Variants in ARHGEF10L observed in about 807,000 individuals in gnomAD.
The protein encoded by ARHGEF10L is rho guanine nucleotide exchange factor 10-like protein.
Under a neutral mutation model 141.2 loss-of-function variants are expected in ARHGEF10L, and 69 were observed. That is an observed-to-expected ratio of 0.49 (90% CI 0.40 to 0.60). The LOEUF is 0.60. Ranked by LOEUF, ARHGEF10L falls within the 20% of genes least tolerant of loss-of-function variation. The pLI is 0.00. For synonymous variants in ARHGEF10L, 711 were observed against 718.5 expected, an observed-to-expected ratio of 0.99 and a Z score of 0.17; for missense variants, 1,482 against 1,734.3, an observed-to-expected ratio of 0.85 and a Z score of 2.58.
intron 26 of ARHGEF10L, among the ~76,000 whole-genome samples, chr1:17,668,096 A>G (rs1271592753): frequency 6.6e-6 from 1 of 152,250 alleles, no homozygotes; most frequent in Non-Finnish European, 1.5e-5. Context: ...CAAACCGAGA[A>G]CATTCAAGCG....
chr1:17,638,120 A>G (rs537475422), intron 19 of ARHGEF10L, 117 bp downstream of exon 19: 1 of 903,602 alleles, frequency 1.1e-6, no homozygotes, highest in Non-Finnish European at 1.6e-6. Context: ...ATGTGCTCCT[A>G]GCTTCTGAGC....
At chr1:17,566,791 G>A (rs1027062530) in intron 1 of ARHGEF10L, among the ~76,000 whole-genome samples, 6 of 152,200 alleles carry the variant, frequency 3.9e-5, no homozygotes, top group Non-Finnish European at 7.3e-5. Flanking sequence ...AGGGGACCAA[G>A]TGCTCATCAG....
intron 9 of ARHGEF10L, 83 bp downstream of exon 9, chr1:17,616,285 G>C: frequency 8.2e-7 from 1 of 1,219,924 alleles, no homozygotes; most frequent in East Asian, 2.4e-5. Flanking sequence ...TTACACCCCA[G>C]AGGTCATGCT....
intron 1 of ARHGEF10L, among the ~76,000 whole-genome samples, chr1:17,579,014 C>T (rs900824995): frequency 1.3e-5 from 2 of 151,926 alleles, no homozygotes; most frequent in African/African-American, 4.8e-5. Context: ...GGGAGGTTGA[C>T]TAACTTTTTT....
intron 26 of ARHGEF10L, among the ~76,000 whole-genome samples, chr1:17,675,324 G>A (rs1030790590): frequency 3.3e-5 from 5 of 152,188 alleles, no homozygotes; most frequent in Non-Finnish European, 7.4e-5. Context: ...CCACCTCCCC[G>A]CACTGTCACC....
chr1:17,578,239 G>T (rs946068085), intron 1 of ARHGEF10L, among the ~76,000 whole-genome samples: 5 of 152,200 alleles, frequency 3.3e-5, no homozygotes, highest in Non-Finnish European at 7.3e-5. Context: ...GAGCCCACTG[G>T]GAGGGGGCCC....
intron 20 of ARHGEF10L, 69 bp from the exon 21 acceptor site, chr1:17,640,133 C>T (rs1234176808): frequency 1.4e-5 from 21 of 1,546,778 alleles, no homozygotes; most frequent in South Asian, 2.4e-5. Flanking sequence ...GGAAGTACTA[C>T]GTGACAGCTG....
At chr1:17,526,308 G>A in the ARHGEF10L span, among the ~76,000 whole-genome samples, 1 of 152,208 alleles carries the variant, frequency 6.6e-6, no homozygotes, top group African/African-American at 2.4e-5. Flanking sequence ...CCTGCCCCTA[G>A]TCTGTGTGGC....
Position 17,627,534 on chromosome 1 carries a change from A to G in ARHGEF10L, c.1584+31A>G, listed in dbSNP as rs1444744602. 1 of 1,603,922 alleles carries G rather than the reference A, an allele frequency of 6.2e-7. No individual in the cohort carries two copies. Among genetic ancestry groups the G allele is most frequent in the Non-Finnish European group, 8.5e-7 (1 of 1,175,982 alleles). On this transcript the variant is annotated intron_variant, in intron 15 of 28. Coordinates refer to ENST00000361221, the MANE Select transcript of ARHGEF10L (RefSeq NM_018125.4). This position sits in a 1 kb window ranked among gnomAD's most constrained non-coding sequence, Gnocchi z 4.0. ...CTGGGCCTCCCACCTGCCTGCCCTC[A>G]CCTGCCTGCCCTCACCTGTGCTCCT...
At chr1:17,670,674 AC>A (rs1269563864) in intron 26 of ARHGEF10L, among the ~76,000 whole-genome samples, 2 of 152,188 alleles carry the variant, frequency 1.3e-5, no homozygotes, top group Admixed American at 6.5e-5. Flanking sequence ...AACAGTAGTG[AC>A]AGCGTGGGGC....
chr1:17,531,092 T>C, the ARHGEF10L span, among the ~76,000 whole-genome samples: 1 of 152,196 alleles, frequency 6.6e-6, no homozygotes, highest in African/African-American at 2.4e-5. Context: ...GGATCATGCA[T>C]GAAGACTGCA....
At chr1:17,651,205 T>C (rs2061910340) in intron 22 of ARHGEF10L, among the ~76,000 whole-genome samples, 1 of 152,242 alleles carries the variant, frequency 6.6e-6, no homozygotes, top group African/African-American at 2.4e-5. Context: ...GTACCCAAGC[T>C]AGGTGCCCCA....
At position 17,541,648 on chromosome 1, in the gene ARHGEF10L, T is replaced by C. The variant is rs111993382; in HGVS notation, c.-44+1698T>C. 6.0e-4 allele frequency among the ~76,000 whole-genome samples: 91 copies of C among 152,072 alleles called. 1 individual carries two copies. The highest frequency in any genetic ancestry group is 2.1e-3 in the African/African-American group (88 of 41,496). On this transcript the variant is annotated intron_variant, in intron 1 of 28. Coordinates refer to ENST00000361221, the MANE Select transcript of ARHGEF10L (RefSeq NM_018125.4). ...GAGTTCGGGATCAGCTTGGCCAACA[T>C]GGTGAAACCCTGTCTTTACTAAAAA...
At chr1:17,598,188 G>A (rs1226958566) in intron 4 of ARHGEF10L, among the ~76,000 whole-genome samples, 5 of 150,088 alleles carry the variant, frequency 3.3e-5, no homozygotes, top group African/African-American at 7.4e-5. Flanking sequence ...TGCAACCTCC[G>A]CTTCCCGGGT....
intron 22 of ARHGEF10L, among the ~76,000 whole-genome samples, chr1:17,650,048 C>T (rs2061825547): frequency 6.6e-6 from 1 of 152,078 alleles, no homozygotes; most frequent in African/African-American, 2.4e-5. Flanking sequence ...GGGACTAGCA[C>T]AATTTGATAT....
chr1:17,634,754 G>A (rs1341264945), intron 17 of ARHGEF10L, 81 bp from the exon 18 acceptor site: 3 of 1,488,406 alleles, frequency 2.0e-6, no homozygotes, highest in Non-Finnish European at 2.7e-6. Flanking sequence ...CTGAGCTGGT[G>A]TGGAGGAGCA....
intron 1 of ARHGEF10L, among the ~76,000 whole-genome samples, chr1:17,571,503 A>C (rs2077998752): frequency 6.6e-6 from 1 of 152,092 alleles, no homozygotes; most frequent in African/African-American, 2.4e-5. Context: ...ATGGGATCAG[A>C]TGAGCAGTAA....
At chr1:17,665,737 C>G (rs1039953013) in intron 26 of ARHGEF10L, among the ~76,000 whole-genome samples, 1 of 152,148 alleles carries the variant, frequency 6.6e-6, no homozygotes, top group African/African-American at 2.4e-5. Context: ...ACCAATGGAA[C>G]GTATGTGAGT....
At chr1:17,568,502 G>T (rs1485100668) in intron 1 of ARHGEF10L, among the ~76,000 whole-genome samples, 1 of 152,178 alleles carries the variant, frequency 6.6e-6, no homozygotes, top group Admixed American at 6.5e-5. Flanking sequence ...GGGCACACTG[G>T]CAGGACCAGA....
Sources: allele counts gnomAD v4.1 joint callset (sites outside exome capture counted in the v4.1 genomes callset), GRCh38; gene constraint gnomAD v4.1.1; non-coding constraint Gnocchi (gnomAD v3.1); transcripts MANE v1.5; gene names NCBI Gene and HGNC (gene_info 2026-07-23, HGNC 2026-07-21).